PSD: variants seen among roughly 807,000 people sequenced by gnomAD.
PSD encodes the protein pleckstrin and Sec7 domain containing.
Under a neutral mutation model 91.6 loss-of-function variants are expected in PSD, and 32 were observed. The observed-to-expected ratio is 0.35, with a 90% confidence interval of 0.26 to 0.47. The LOEUF (loss-of-function observed/expected upper bound fraction) is 0.47. PSD is among the 20% of genes least tolerant of loss of function. The pLI is 1.00. For synonymous variants in PSD, 532 were observed against 569.3 expected, an observed-to-expected ratio of 0.93 and a Z score of 0.93; for missense variants, 1,099 against 1,373.9, an observed-to-expected ratio of 0.80 and a Z score of 3.16.
rs139082642 is a variant in PSD at position 102,403,253 on chromosome 10, G to A, written c.3022C>T (p.Arg1008Cys). The change falls in exon 17 of 17, where the codon CGT (arginine) becomes TGT (cysteine). Residue 1008 changes from arginine (R) to cysteine (C), a missense_variant. Transcript: ENST00000020673. This position sits in a 1 kb window ranked among gnomAD's most constrained non-coding sequence, Gnocchi z 6.7. The stretch of plus-strand genomic sequence containing the variant: ...CCTGGCCGAGGCTCTGAGCTGTGAC[G>A]CTGAGCCCGGGGCTGGCTGGAGGGT... ...PKPSSQPRAQ[R>C]HSSEPRPGAG... 6.1e-5 allele frequency: 98 copies of A among 1,606,910 alleles called. No homozygotes were observed. The Middle Eastern group carries it at 8.3e-4, about 14-fold the overall frequency.
rs1469571901 is a variant in PSD, at chr10:102,404,966, G to A, written c.2487C>T (p.Asp829=). 3 of 1,614,018 alleles carry A rather than the reference G, an allele frequency of 1.9e-6. No homozygotes were observed. The highest frequency in any genetic ancestry group is 2.5e-6 in the Non-Finnish European group (3 of 1,180,010). The change falls in exon 14 of 17, where the codon GAC becomes GAT. Residue 829 remains aspartate, a synonymous_variant. Coordinates refer to ENST00000020673, the MANE Select transcript of PSD (RefSeq NM_002779.5). This position sits in a 1 kb window ranked among gnomAD's most constrained non-coding sequence, Gnocchi z 5.7. The part of the protein sequence containing the change: ...IHHALATRAS[D]YSKRPHVFYL... The stretch of plus-strand genomic sequence containing the variant: ...AGAAGACGTGGGGCCTCTTGCTGTA[G>A]TCACTGGCACGAGTGGCCAGGGCAT...
In PSD at chr10:102,405,647, G is replaced by A; in HGVS notation, c.2136-111C>T. On this transcript the variant is annotated intron_variant, in intron 11 of 16. Coordinates refer to ENST00000020673, the MANE Select transcript of PSD (RefSeq NM_002779.5). The surrounding 1 kb of genome is among the most constrained non-coding windows in gnomAD (Gnocchi z 5.4). ...TCCCCCAGTGTTTGTGGCTTGGGGG[G>A]CTCAACCTGAGGGTCCTGCCATGTC... The A allele has an allele frequency of 9.7e-7, 1 of 1,028,512 alleles. No homozygotes were observed. Among genetic ancestry groups the A allele is most frequent in the Non-Finnish European group, 1.4e-6 (1 of 719,012 alleles). 63.7% of individuals were successfully genotyped at this position (1,028,512 alleles called of 1,614,324 possible).
chr10:102,407,666 C>T (rs998485892), intron 10 of PSD, among the ~76,000 whole-genome samples: 6 of 152,150 alleles, frequency 3.9e-5, no homozygotes, highest in Admixed American at 2.0e-4. Context: ...TCCCCTTCCC[C>T]CAACCACGCG....
At chr10:102,411,381 C>T (rs1468444131) in intron 8 of PSD, among the ~76,000 whole-genome samples, 1 of 152,140 alleles carries the variant, frequency 6.6e-6, no homozygotes, top group East Asian at 1.9e-4. Context: ...GCCTGGACCA[C>T]GAGAAAGTGA....
chr10:102,414,206 G>A lies in PSD; in HGVS notation c.1125-9C>T, dbSNP rs770131821. 5 of 1,591,922 alleles carry A rather than the reference G, an allele frequency of 3.1e-6. No homozygotes were observed. Among genetic ancestry groups the A allele is most frequent in the Non-Finnish European group, 4.3e-6 (5 of 1,168,130 alleles). On this transcript the variant is annotated splice_polypyrimidine_tract_variant and intron_variant, in intron 4 of 16. Coordinates refer to ENST00000020673, the MANE Select transcript of PSD (RefSeq NM_002779.5). This position sits in a 1 kb window ranked among gnomAD's most constrained non-coding sequence, Gnocchi z 5.6. ...GCATCCGGCTCCCTGGCCTGCAGGG[G>A]CAGGGAGAATCTCTGATTAGGGGCC...
In PSD at chr10:102,410,964, A is replaced by G. The variant is rs1027439580; in HGVS notation, c.2002-17T>C. The G allele has an allele frequency of 3.2e-5, 52 of 1,612,562 alleles. No homozygotes were observed. Among genetic ancestry groups the G allele is most frequent in the Non-Finnish European group, 4.2e-5 (50 of 1,178,700 alleles). ...CCCGATGTTCTAAGGAAGGGAACGG[A>G]GGCCTGTGAGTTTGGAGGGCCCTTG... On this transcript the variant is annotated splice_polypyrimidine_tract_variant and intron_variant, in intron 9 of 16. Transcript: ENST00000020673. The surrounding 1 kb of genome is among the most constrained non-coding windows in gnomAD (Gnocchi z 6.0).
At chr10:102,415,755 C>G (rs773456040) in intron 3 of PSD, among the ~76,000 whole-genome samples, 10 of 152,348 alleles carry the variant, frequency 6.6e-5, no homozygotes, top group Admixed American at 5.2e-4. Context: ...TGCTGAGCCT[C>G]TTTTCTACTC....
chr10:102,411,763 A>G lies in PSD; in HGVS notation c.1886T>C (p.Leu629Pro). 1.9e-6 allele frequency: 3 copies of G among 1,613,898 alleles called. No homozygotes were observed. The highest frequency in any genetic ancestry group is 2.5e-6 in the Non-Finnish European group (3 of 1,179,930). The part of the protein sequence containing the change: ...MGETQERERV[L>P]AHFSQRYFQC... The stretch of plus-strand genomic sequence containing the variant: ...GAAGTATCGCTGGGAGAAGTGGGCC[A>G]GCACGCGCTCTCGTTCCTGGGTCTC... Residue 629 changes from leucine (L) to proline (P), a missense_variant, in exon 8 of 17, where the codon CTG becomes CCG. Leu to Pro is a moderately conservative substitution (Grantham distance 98, BLOSUM62 -3). Around this residue, in one of 3 missense-constraint regions of PSD, gnomAD observed 110 missense variants for 218.7 expected, o/e 0.50. Coordinates refer to ENST00000020673, the MANE Select transcript of PSD (RefSeq NM_002779.5).
rs1022435000 is a variant in PSD, at chr10:102,415,381, C to T, written c.758-152G>A. 18 of 960,560 alleles carry T rather than the reference C, an allele frequency of 1.9e-5. No individual in the cohort carries two copies. In the Admixed American group the frequency reaches 6.1e-4, roughly 33 times the overall value. 59.5% of individuals were successfully genotyped at this position (960,560 alleles called of 1,614,324 possible). A position where few individuals can be genotyped will look rare whatever the true frequency, so the allele number is the denominator to read the frequency against. ...CCTCCTGCTACATACTTAGCTTGTT[C>T]CTGGTGCCAGTGGAGCTCATTTTAA... On this transcript the variant is annotated intron_variant, in intron 3 of 16. Transcript: ENST00000020673.
chr10:102,411,943 G>T (rs2135456819), intron 7 of PSD, 124 bp from the exon 8 acceptor site: 1 of 896,860 alleles, frequency 1.1e-6, no homozygotes. Flanking sequence ...AAGGGGATGA[G>T]GGTATGCACC....
rs2061398599 is a variant in PSD, at chr10:102,409,153, G to A, written c.2091+1705C>T. 3 of 980,626 alleles carry A rather than the reference G, an allele frequency of 3.1e-6. No individual in the cohort carries two copies. Among genetic ancestry groups the A allele is most frequent in the South Asian group, 4.7e-5 (1 of 21,322 alleles). 60.7% of individuals were successfully genotyped at this position (980,626 alleles called of 1,614,324 possible). A position where few individuals can be genotyped will look rare whatever the true frequency, so the allele number is the denominator to read the frequency against. ...GCCCCCGTCCGCCCTCGGCCCCCGG[G>A]CCGCCCGGACGGCCCGCGGACCGCT... On this transcript the variant is annotated intron_variant, in intron 10 of 16. Transcript: ENST00000020673. This position sits in a 1 kb window ranked among gnomAD's most constrained non-coding sequence, Gnocchi z 5.7.
chr10:102,405,512 A>G lies in PSD; in HGVS notation c.2160T>C (p.Ser720=). The change falls in exon 12 of 17, where the codon TCT becomes TCC. Residue 720 remains serine (S), a synonymous_variant. Coordinates refer to ENST00000020673, the MANE Select transcript of PSD (RefSeq NM_002779.5). This position sits in a 1 kb window ranked among gnomAD's most constrained non-coding sequence, Gnocchi z 5.4. ...GGTTGGGGTCGGCCAACTCAGACAG[A>G]GAGCGTCTCAGCTCCTCCTCGTCTC... The part of the protein sequence containing the change: ...WAIDEEELRR[S]LSELADPNPK... The G allele has an allele frequency of 6.2e-7, 1 of 1,613,680 alleles. No homozygotes were observed. The highest frequency in any genetic ancestry group is 8.5e-7 in the Non-Finnish European group (1 of 1,179,856).
rs771826693 is a variant in PSD at position 102,416,675 on chromosome 10, C to A, written c.364G>T (p.Gly122Cys). The change falls in exon 2 of 17, where the codon GGC becomes TGC. Residue 122 changes from glycine to cysteine, a missense_variant. This residue lies in a region of PSD where 631 missense variants were observed against 728.8 expected (regional missense o/e 0.87). Transcript: ENST00000020673. This position sits in a 1 kb window ranked among gnomAD's most constrained non-coding sequence, Gnocchi z 6.0. ...CCCAGATCCCAGCTCCGACTCAAGC[C>A]CCCTGGAGCAGGTAGCCCATTCAGT... is the stretch of plus-strand genomic sequence containing the variant. ...RPLNGLPAPG[G>C]LSRSWDLGGV... 6.2e-7 allele frequency: 1 copy of A among 1,609,824 alleles called. No individual in the cohort carries two copies. The highest frequency in any genetic ancestry group is 1.3e-5 in the African/African-American group (1 of 74,786).
chr10:102,407,760 A>G (rs1359374527), intron 10 of PSD, among the ~76,000 whole-genome samples: 2 of 152,012 alleles, frequency 1.3e-5, no homozygotes, highest in Non-Finnish European at 2.9e-5. Context: ...CCCTCTCAGC[A>G]CTTTCCTTCC....
In PSD at chr10:102,403,134, CG is replaced by C; in HGVS notation, c.*65del. 7.6e-7 allele frequency: 1 copy of C among 1,320,200 alleles called. No individual in the cohort carries two copies. Among genetic ancestry groups the C allele is most frequent in the African/African-American group, 1.5e-5 (1 of 65,600 alleles). 81.8% of individuals were successfully genotyped at this position (1,320,200 alleles called of 1,614,324 possible). A position where few individuals can be genotyped will look rare whatever the true frequency, so the allele number is the denominator to read the frequency against. On this transcript the variant is annotated 3_prime_UTR_variant, in exon 17 of 17. Coordinates refer to ENST00000020673, the MANE Select transcript of PSD (RefSeq NM_002779.5). This position sits in a 1 kb window ranked among gnomAD's most constrained non-coding sequence, Gnocchi z 6.7. ...CCTCGTGGGTGGCCCGAGGCCGGCC[CG>C]GGCTCAGGCAGGGCCATGTCATCCT...
chr10:102,414,836 A>G lies in PSD; in HGVS notation c.1124+27T>C, dbSNP rs202130473. The G allele has an allele frequency of 6.7e-7, 1 of 1,484,630 alleles. No individual in the cohort carries two copies. Among genetic ancestry groups the G allele is most frequent in the African/African-American group, 1.4e-5 (1 of 71,196 alleles). The allele number at this position is 1,484,630 out of a possible 1,614,324, so 92.0% of individuals were successfully genotyped here. On this transcript the variant is annotated intron_variant, in intron 4 of 16. Coordinates refer to ENST00000020673, the MANE Select transcript of PSD (RefSeq NM_002779.5). This position sits in a 1 kb window ranked among gnomAD's most constrained non-coding sequence, Gnocchi z 5.6. ...AAGGAGCAAGCCGCTTCCCTCTCCC[A>G]CTTCCCCCTCCCACTTCCCCACTCA...
chr10:102,412,281 A>T lies in PSD; in HGVS notation c.1749-54T>A, dbSNP rs572567385. On this transcript the variant is annotated intron_variant, in intron 6 of 16. Coordinates refer to ENST00000020673, the MANE Select transcript of PSD (RefSeq NM_002779.5). ...GTCTCAAGGGGAAGTGCAGGGGGTC[A>T]GGTGGGGATTACCCAATGACCAGGG... 4 of 1,610,802 alleles carry T rather than the reference A, an allele frequency of 2.5e-6. No individual in the cohort carries two copies. In the East Asian group the frequency reaches 8.9e-5, roughly 36 times the overall value.
Position 102,405,192 on chromosome 10 carries a change from G to T in PSD, c.2388C>A (p.Tyr796Ter). Residue 796 changes from tyrosine to a stop codon, truncating the protein, a stop_gained, in exon 13 of 17, where the codon TAC becomes TAA. Coordinates refer to ENST00000020673, the MANE Select transcript of PSD (RefSeq NM_002779.5). LOFTEE classifies it high-confidence loss of function. The surrounding 1 kb of genome is among the most constrained non-coding windows in gnomAD (Gnocchi z 5.4). Reference protein sequence around the residue: ...FHGILKGMILYLQKEEYKPGK... With the variant: ...FHGILKGMIL The stretch of plus-strand genomic sequence containing the variant: ...TGGCCTGACCCCGCACCTTCTGCAG[G>T]TAGAGGATCATGCCCTTGAGGATCC... The T allele has an allele frequency of 6.2e-7, 1 of 1,611,182 alleles. No individual in the cohort carries two copies.
chr10:102,409,246 T>A lies in PSD; in HGVS notation c.2091+1612A>T. On this transcript the variant is annotated intron_variant, in intron 10 of 16. Transcript: ENST00000020673. The surrounding 1 kb of genome is among the most constrained non-coding windows in gnomAD (Gnocchi z 5.7). ...GCCCGGCTCTCACGGACGCACGGAGTGCGCGGCGGCGGCGGCGGCGCTGTC... is the reference window on the plus strand; with the variant it reads ...GCCCGGCTCTCACGGACGCACGGAGAGCGCGGCGGCGGCGGCGGCGCTGTC... 9 of 983,310 alleles carry A rather than the reference T, an allele frequency of 9.2e-6. No individual in the cohort carries two copies. Among genetic ancestry groups the A allele is most frequent in the Non-Finnish European group, 1.1e-5 (9 of 829,228 alleles). The allele number at this position is 983,310 out of a possible 1,614,324, so 60.9% of individuals were successfully genotyped here.
Sources: allele counts gnomAD v4.1 joint callset (sites outside exome capture counted in the v4.1 genomes callset), GRCh38; gene constraint gnomAD v4.1.1; regional missense constraint gnomAD v4.1.1; non-coding constraint Gnocchi (gnomAD v3.1); transcripts MANE v1.5; gene names NCBI Gene and HGNC (gene_info 2026-07-23, HGNC 2026-07-21).